The following RASGRP2 variants were observed in gnomAD, a reference collection of about 807,000 sequenced individuals.
RASGRP2 encodes RAS guanyl-releasing protein 2.
In RASGRP2, 44 loss-of-function variants were observed where a neutral mutation model predicts 71.0. The observed-to-expected ratio is 0.62, with a 90% confidence interval of 0.49 to 0.80. RASGRP2 has a LOEUF of 0.80. Among genes scored for constraint, RASGRP2 ranks in the 30% least tolerant of loss-of-function variants. The pLI, the probability that RASGRP2 is intolerant of heterozygous loss-of-function variation, is 0.00. For synonymous variants in RASGRP2, 350 were observed against 330.7 expected, an observed-to-expected ratio of 1.06 and a Z score of -0.63; for missense variants, 663 against 813.4, an observed-to-expected ratio of 0.82 and a Z score of 2.25.
At chr11:64,744,467 G>A (rs2058242309), upstream of RASGRP2, 2 of 257,996 alleles carry the variant, frequency 7.8e-6, 1 homozygote, top group Admixed American at 1.3e-4. Flanking sequence ...GCCTCTGGGA[G>A]CCTCAATTTT....
At position 64,739,026 on chromosome 11, in the gene RASGRP2, T is replaced by C. The variant is rs978683922; in HGVS notation, c.813+334A>G. On this transcript the variant is annotated intron_variant, in intron 8 of 16. Coordinates refer to ENST00000394432, the MANE Select transcript of RASGRP2 (RefSeq NM_001098671.2). This position sits in a 1 kb window ranked among gnomAD's most constrained non-coding sequence, Gnocchi z 4.2. ...GGTGGCGTACACCTGTAGTCCCAGC[T>C]ACTCAGGAGGCTGAGGTGGGAGGAT... 6.6e-6 allele frequency among the ~76,000 whole-genome samples: 1 copy of C among 151,460 alleles called. No individual in the cohort carries two copies. The highest frequency in any genetic ancestry group is 2.4e-5 in the African/African-American group (1 of 41,192).
Position 64,742,682 on chromosome 11 carries a change from A to T in RASGRP2, c.73+112T>A, listed in dbSNP as rs530338265. On this transcript the variant is annotated intron_variant, in intron 2 of 16. Transcript: ENST00000394432. This position sits in a 1 kb window ranked among gnomAD's most constrained non-coding sequence, Gnocchi z 4.7. ...TCGTTAAAGAGACTGCACGCTGCGG[A>T]GCAGGGTGGGTCCGGGTCAGGGCTG... is the stretch of plus-strand genomic sequence containing the variant. 3.5e-5 allele frequency: 49 copies of T among 1,394,868 alleles called. No individual in the cohort carries two copies. In the African/African-American group the frequency reaches 6.4e-4, roughly 18 times the overall value. The allele number at this position is 1,394,868 out of a possible 1,614,324, so 86.4% of individuals were successfully genotyped here.
chr11:64,729,110 G>A (rs2057673677), intron 14 of RASGRP2, 68 bp from the exon 15 acceptor site: 1 of 1,479,502 alleles, frequency 6.8e-7, no homozygotes, highest in Non-Finnish European at 9.1e-7. Flanking sequence ...CATCCCGCAG[G>A]CTTGTGCCCC....
chr11:64,734,746 G>A (rs1005945928), intron 12 of RASGRP2, among the ~76,000 whole-genome samples: 4 of 152,158 alleles, frequency 2.6e-5, no homozygotes, highest in African/African-American at 9.7e-5. Flanking sequence ...ACTGGGTACT[G>A]CTAATTACAA....
Position 64,742,439 on chromosome 11 carries a change from C to T in RASGRP2, c.74-327G>A. 1.8e-6 allele frequency: 1 copy of T among 562,060 alleles called. No homozygotes were observed. The highest frequency in any genetic ancestry group is 3.2e-6 in the Non-Finnish European group (1 of 312,746). The allele number at this position is 562,060 out of a possible 1,614,324, so 34.8% of individuals were successfully genotyped here. A position where few individuals can be genotyped will look rare whatever the true frequency, so the allele number is the denominator to read the frequency against. On this transcript the variant is annotated intron_variant, in intron 2 of 16. Transcript: ENST00000394432. This position sits in a 1 kb window ranked among gnomAD's most constrained non-coding sequence, Gnocchi z 4.7. ...CCTGAGCGCTTGGGGGGAAGGGGCA[C>T]CCCTTCACCAGATAAGCCGCCCCCC...
Position 64,735,389 on chromosome 11 carries a change from GCACTTCAGC to G in RASGRP2, c.1296+144_1296+152del. On this transcript the variant is annotated intron_variant, in intron 11 of 16. Coordinates refer to ENST00000394432, the MANE Select transcript of RASGRP2 (RefSeq NM_001098671.2). This position sits in a 1 kb window ranked among gnomAD's most constrained non-coding sequence, Gnocchi z 4.2. ...ACCTCCACCCCCACCCTACCCAGGG[GCACTTCAGC>G]CCCGTGCAGCTGGCCTGCCAGGCCC... The G allele has an allele frequency of 7.0e-7, 1 of 1,430,428 alleles. No individual in the cohort carries two copies. The highest frequency in any genetic ancestry group is 9.8e-7 in the Non-Finnish European group (1 of 1,022,910). The allele number at this position is 1,430,428 out of a possible 1,614,324, so 88.6% of individuals were successfully genotyped here. A position where few individuals can be genotyped will look rare whatever the true frequency, so the allele number is the denominator to read the frequency against.
In RASGRP2 at chr11:64,737,005, C is replaced by G; in HGVS notation, c.843G>C (p.Thr281=). ...KLWEGLTELV[T]ATGNYGNYRR... is the part of the protein sequence containing the mutation. ...GGTAGTTGCCATAGTTGCCTGTCGC[C>G]GTCACTAGTTCCGTGAGACCCTCCC... is the stretch of plus-strand genomic sequence containing the variant. The change falls in exon 9 of 17, where the codon ACG becomes ACC. Residue 281 remains threonine (T), a synonymous_variant. Transcript: ENST00000394432. The G allele has an allele frequency of 6.2e-7, 1 of 1,613,870 alleles. No homozygotes were observed. Among genetic ancestry groups the G allele is most frequent in the African/African-American group, 1.3e-5 (1 of 75,040 alleles).
In RASGRP2 at chr11:64,727,374, G is replaced by C; in HGVS notation, c.1772-14C>G. On this transcript the variant is annotated splice_polypyrimidine_tract_variant and intron_variant, in intron 15 of 16. Coordinates refer to ENST00000394432, the MANE Select transcript of RASGRP2 (RefSeq NM_001098671.2). ...CCTCACGGATCTCTGCTGGGAGGGG[G>C]ATTGCTGCAGAACACACTTCCAGGT... 6.2e-7 allele frequency: 1 copy of C among 1,613,616 alleles called. No individual in the cohort carries two copies.
In RASGRP2 at chr11:64,743,484, G is replaced by C. The variant is rs753119125; in HGVS notation, c.-72+519C>G. The C allele has an allele frequency of 2.9e-6, 1 of 350,684 alleles. No homozygotes were observed. Among genetic ancestry groups the C allele is most frequent in the Non-Finnish European group, 5.6e-6 (1 of 177,624 alleles). The allele number at this position is 350,684 out of a possible 1,614,324, so 21.7% of individuals were successfully genotyped here. A position where few individuals can be genotyped will look rare whatever the true frequency, so the allele number is the denominator to read the frequency against. Reference sequence around the variant, plus strand: ...GAGGCGGGGCTGCGGCAGCCCCCAGGGGGCCTGCCCTAGGGGAGGCGGACT... The same window carrying C: ...GAGGCGGGGCTGCGGCAGCCCCCAGCGGGCCTGCCCTAGGGGAGGCGGACT... On this transcript the variant is annotated intron_variant, in intron 1 of 16. Transcript: ENST00000394432. The surrounding 1 kb of genome is among the most constrained non-coding windows in gnomAD (Gnocchi z 4.9).
At chr11:64,741,943 G>C (rs964645492) in intron 3 of RASGRP2, 67 bp downstream of exon 3, 83 of 1,354,040 alleles carry the variant, frequency 6.1e-5, no homozygotes, top group Admixed American at 4.6e-4. Context: ...TTCTGCACCT[G>C]GGCTGGGCAG....
chr11:64,734,298 T>C (rs1418345541), intron 12 of RASGRP2, among the ~76,000 whole-genome samples: 1 of 150,728 alleles, frequency 6.6e-6, no homozygotes, highest in Non-Finnish European at 1.5e-5. Context: ...GGCAACAGAG[T>C]GAGACTCTGT....
intron 12 of RASGRP2, among the ~76,000 whole-genome samples, chr11:64,731,849 G>C (rs2057776858): frequency 6.6e-6 from 1 of 152,178 alleles, no homozygotes. Flanking sequence ...GTGCAAACTG[G>C]TACAACCTTG....
At chr11:64,740,773 G>T (rs2058095365) in intron 5 of RASGRP2, 175 bp downstream of exon 5, 5 of 814,090 alleles carry the variant, frequency 6.1e-6, no homozygotes, top group Admixed American at 4.0e-5. Flanking sequence ...GGAAGATGAG[G>T]CAGGAACGCC....
At chr11:64,733,814 A>G (rs947291294) in intron 12 of RASGRP2, among the ~76,000 whole-genome samples, 1 of 151,872 alleles carries the variant, frequency 6.6e-6, no homozygotes, top group African/African-American at 2.4e-5. Context: ...CTACCAGTGG[A>G]AAAGGAAAGA....
Position 64,739,480 on chromosome 11 carries a change from G to A in RASGRP2, c.697-4C>T. 6.2e-7 allele frequency: 1 copy of A among 1,613,974 alleles called. No individual in the cohort carries two copies. Among genetic ancestry groups the A allele is most frequent in the Non-Finnish European group, 8.5e-7 (1 of 1,179,864 alleles). On this transcript the variant is annotated splice_region_variant and splice_polypyrimidine_tract_variant and intron_variant, in intron 7 of 16. Transcript: ENST00000394432. This position sits in a 1 kb window ranked among gnomAD's most constrained non-coding sequence, Gnocchi z 4.2. ...AGTTCTGCAGCTGTAGCAGCTTCTG[G>A]AAGGCAAATGGGGACGGAGAGGCAG...
Position 64,741,948 on chromosome 11 carries a change from G to A in RASGRP2, c.176+62C>T. ...GCGAGGCTCATTCTGCACCTGGGCT[G>A]GGCAGAGGGGCTGCGCATGGGCTCC... is the stretch of plus-strand genomic sequence containing the variant. On this transcript the variant is annotated intron_variant, in intron 3 of 16. Transcript: ENST00000394432. The A allele has an allele frequency of 7.2e-6, 10 of 1,395,024 alleles. No individual in the cohort carries two copies. In the South Asian group the frequency reaches 1.2e-4, roughly 17 times the overall value. The allele number at this position is 1,395,024 out of a possible 1,614,324, so 86.4% of individuals were successfully genotyped here. A position where few individuals can be genotyped will look rare whatever the true frequency, so the allele number is the denominator to read the frequency against.
At chr11:64,728,533 T>C (rs1040207036) in intron 15 of RASGRP2, among the ~76,000 whole-genome samples, 8 of 152,060 alleles carry the variant, frequency 5.3e-5, no homozygotes, top group Non-Finnish European at 1.2e-4. Context: ...GTTCATGCCA[T>C]TCTCCTGCCT....
At position 64,739,384 on chromosome 11, in the gene RASGRP2, G is replaced by T; in HGVS notation, c.789C>A (p.Ser263Arg). ...SSISRLKETH[S>R]HVSPETIKLW... is the part of the protein sequence containing the mutation. Reference sequence around the variant, plus strand: ...CCTTGATGGTCTCAGGGCTAACGTGGCTGTGGGTCTCCTTGAGGCGGGAGA... The same window carrying T: ...CCTTGATGGTCTCAGGGCTAACGTGTCTGTGGGTCTCCTTGAGGCGGGAGA... Residue 263 changes from serine to arginine, a missense_variant, in exon 8 of 17, where the codon AGC (serine) becomes AGA (arginine). Physicochemically the swap from Ser to Arg is moderately radical, Grantham distance 110. Transcript: ENST00000394432. The surrounding 1 kb of genome is among the most constrained non-coding windows in gnomAD (Gnocchi z 4.2). 1 of 1,614,174 alleles carries T rather than the reference G, an allele frequency of 6.2e-7. No homozygotes were observed. Among genetic ancestry groups the T allele is most frequent in the South Asian group, 1.1e-5 (1 of 91,084 alleles).
rs1386645491 is a variant in RASGRP2, at chr11:64,736,584, A to AC, written c.1095+168dup. 1.8e-4 allele frequency among the ~76,000 whole-genome samples: 27 copies of AC among 152,158 alleles called. 1 individual carries two copies. The highest frequency in any genetic ancestry group is 1.5e-3 in the Admixed American group (23 of 15,284). On this transcript the variant is annotated intron_variant, in intron 9 of 16. Transcript: ENST00000394432. Reference sequence around the variant, plus strand: ...GATCAGACCTCAGTCCACAGCCCCAACCAGAGCCTGGACCCCTTCTCAGCA... The same window carrying AC: ...GATCAGACCTCAGTCCACAGCCCCAACCCAGAGCCTGGACCCCTTCTCAGCA...
Sources: allele counts gnomAD v4.1 joint callset (sites outside exome capture counted in the v4.1 genomes callset), GRCh38; gene constraint gnomAD v4.1.1; non-coding constraint Gnocchi (gnomAD v3.1); transcripts MANE v1.5; gene names NCBI Gene and HGNC (gene_info 2026-07-23, HGNC 2026-07-21).